The following TAF11 variants were observed in gnomAD, a reference collection of about 807,000 sequenced individuals.
TAF11 encodes the protein TATA-box binding protein associated factor 11, also known as transcription initiation factor TFIID subunit 11.
TAF11 carries 10 observed loss-of-function variants against 23.0 expected under a neutral mutation model. The observed-to-expected ratio is 0.43, with a 90% CI of 0.27 to 0.74. The LOEUF (loss-of-function observed/expected upper bound fraction) is 0.74. Among genes scored for constraint, TAF11 ranks in the 30% least tolerant of loss-of-function variants. TAF11 has a pLI of 0.19. For missense variants in TAF11, 196 were observed against 261.7 expected (o/e 0.75, Z 1.73); for synonymous variants, 85 against 95.8 (o/e 0.89, Z 0.66).
Position 34,878,476 on chromosome 6 carries a change from C to G in TAF11, c.*114G>C. On this transcript the variant is annotated 3_prime_UTR_variant, in exon 5 of 5. Transcript: ENST00000361288. ...AGAGTTTTGAGAAAGACATTAAAATCATCATGGAATCCTTGGAGGCCTGAG... is the reference window on the plus strand; with the variant it reads ...AGAGTTTTGAGAAAGACATTAAAATGATCATGGAATCCTTGGAGGCCTGAG... 1.4e-6 allele frequency: 1 copy of G among 696,948 alleles called. No individual in the cohort carries two copies. Among genetic ancestry groups the G allele is most frequent in the Non-Finnish European group, 2.6e-6 (1 of 387,240 alleles). 43.2% of individuals were successfully genotyped at this position (696,948 alleles called of 1,614,324 possible).
intron 2 of TAF11, among the ~76,000 whole-genome samples, chr6:34,882,575 T>C (rs541162404): frequency 1.3e-5 from 2 of 149,968 alleles, no homozygotes; most frequent in Admixed American, 1.3e-4. Flanking sequence ...ACTCAGGATG[T>C]GGAGGCTGCA....
intron 1 of TAF11, among the ~76,000 whole-genome samples, chr6:34,886,490 G>C (rs558002755): frequency 4.7e-4 from 71 of 149,918 alleles, no homozygotes; most frequent in African/African-American, 1.7e-3. Context: ...TTTTTTCCGA[G>C]ACGGAGTCTC....
intron 1 of TAF11, among the ~76,000 whole-genome samples, chr6:34,885,614 T>C (rs1331558122): frequency 6.6e-6 from 1 of 152,238 alleles, no homozygotes; most frequent in South Asian, 2.1e-4. Context: ...AATTTAGATA[T>C]GTAGTGAGCC....
At chr6:34,882,338 CA>C (rs796200208) in intron 2 of TAF11, among the ~76,000 whole-genome samples, 112 of 125,928 alleles carry the variant, frequency 8.9e-4, no homozygotes, top group African/African-American at 1.9e-3. Context: ...AACTCTGTCT[CA>C]AAAAAAAAAA....
Position 34,877,700 on chromosome 6 carries a change from C to T in TAF11, c.*890G>A, listed in dbSNP as rs1170967956. ...TCAAATTTTCACAAAATAGCCAAAA[C>T]CAGTTGTATTGGAACACCAAAAAAG... On this transcript the variant is annotated 3_prime_UTR_variant, in exon 5 of 5. Transcript: ENST00000361288. The T allele has an allele frequency of 1.3e-5, 2 of 152,264 alleles. No homozygotes were observed. The highest frequency in any genetic ancestry group is 1.3e-4 in the Admixed American group (2 of 15,268). 9.4% of individuals were successfully genotyped at this position (152,264 alleles called of 1,614,324 possible).
In TAF11 at chr6:34,877,907, G is replaced by C. The variant is rs1766335425; in HGVS notation, c.*683C>G. 1 of 152,164 alleles carries C rather than the reference G, an allele frequency of 6.6e-6. No individual in the cohort carries two copies. Among genetic ancestry groups the C allele is most frequent in the Non-Finnish European group, 1.5e-5 (1 of 68,024 alleles). The allele number at this position is 152,164 out of a possible 1,614,324, so 9.4% of individuals were successfully genotyped here. Reference sequence around the variant, plus strand: ...TCATGGTAGAGTATCACAAGTAAAAGTTTCTGGTTGTTTCATCTACTTAAA... The same window carrying C: ...TCATGGTAGAGTATCACAAGTAAAACTTTCTGGTTGTTTCATCTACTTAAA... On this transcript the variant is annotated 3_prime_UTR_variant, in exon 5 of 5. Coordinates refer to ENST00000361288, the MANE Select transcript of TAF11 (RefSeq NM_005643.4).
rs1266289261 is a variant in TAF11 at position 34,878,573 on chromosome 6, C to G, written c.*17G>C. 9.0e-6 allele frequency: 12 copies of G among 1,337,964 alleles called. No homozygotes were observed. In the Middle Eastern group the frequency reaches 7.2e-4, roughly 80 times the overall value. The allele number at this position is 1,337,964 out of a possible 1,614,324, so 82.9% of individuals were successfully genotyped here. On this transcript the variant is annotated 3_prime_UTR_variant, in exon 5 of 5. Transcript: ENST00000361288. ...ATACTTCTTCCGTCAGTAACATAGGCCTTTCTAGACTTTGGTCTAGAAGAA... is the reference window on the plus strand; with the variant it reads ...ATACTTCTTCCGTCAGTAACATAGGGCTTTCTAGACTTTGGTCTAGAAGAA...
rs1227580650 is a variant in TAF11 at position 34,884,860 on chromosome 6, C to A, written c.172-1780G>T. 2.6e-5 allele frequency among the ~76,000 whole-genome samples: 4 copies of A among 152,140 alleles called. No individual in the cohort carries two copies. The East Asian group carries it at 7.7e-4, about 29-fold the overall frequency. On this transcript the variant is annotated intron_variant, in intron 1 of 4. Coordinates refer to ENST00000361288, the MANE Select transcript of TAF11 (RefSeq NM_005643.4). The stretch of plus-strand genomic sequence containing the variant: ...TGGTTTGTATTTTCCTTTAAAAAAT[C>A]ACCTATTTTTCTCAGATTTTCACAT...
At chr6:34,885,869 C>A (rs1023635002) in intron 1 of TAF11, among the ~76,000 whole-genome samples, 1 of 152,158 alleles carries the variant, frequency 6.6e-6, no homozygotes, top group African/African-American at 2.4e-5. Flanking sequence ...TGCCTATAAT[C>A]CCAGCACTTT....
intron 2 of TAF11, among the ~76,000 whole-genome samples, chr6:34,881,373 A>G (rs968411677): frequency 3.9e-5 from 6 of 152,184 alleles, no homozygotes; most frequent in Non-Finnish European, 7.3e-5. Flanking sequence ...ATACCCAACT[A>G]TATACTTAGA....
Position 34,880,401 on chromosome 6 carries a change from GTTAAC to G in TAF11, c.321-30_321-26del, listed in dbSNP as rs751638488. On this transcript the variant is annotated intron_variant, in intron 2 of 4. Transcript: ENST00000361288. This position sits in a 1 kb window ranked among gnomAD's most constrained non-coding sequence, Gnocchi z 4.8. ...TCTAAACAAAGATCCAGGTAACTAA[GTTAAC>G]TTATAAGAACGAATACTCAAGATAT... is the stretch of plus-strand genomic sequence containing the variant. The G allele has an allele frequency of 2.5e-6, 4 of 1,603,798 alleles. No individual in the cohort carries two copies. Among genetic ancestry groups the G allele is most frequent in the Non-Finnish European group, 3.4e-6 (4 of 1,171,938 alleles).
chr6:34,886,318 G>A (rs907101769), intron 1 of TAF11, among the ~76,000 whole-genome samples: 2 of 151,290 alleles, frequency 1.3e-5, no homozygotes, highest in Non-Finnish European at 2.9e-5. Flanking sequence ...AAAGGAGCTT[G>A]CAGTGAGCCA....
chr6:34,880,442 A>T lies in TAF11; in HGVS notation c.321-66T>A, dbSNP rs970272541. 1.2e-5 allele frequency: 18 copies of T among 1,505,930 alleles called. No homozygotes were observed. The highest frequency in any genetic ancestry group is 1.6e-5 in the Non-Finnish European group (18 of 1,092,662). The allele number at this position is 1,505,930 out of a possible 1,614,324, so 93.3% of individuals were successfully genotyped here. ...GAATACTCAAGATATTATGAAGTCA[A>T]TAAAAGTTTCAGACAATTCAAAAAC... On this transcript the variant is annotated intron_variant, in intron 2 of 4. Coordinates refer to ENST00000361288, the MANE Select transcript of TAF11 (RefSeq NM_005643.4). This position sits in a 1 kb window ranked among gnomAD's most constrained non-coding sequence, Gnocchi z 4.8.
chr6:34,885,269 A>G (rs182813891), intron 1 of TAF11, among the ~76,000 whole-genome samples: 54 of 152,208 alleles, frequency 3.5e-4, no homozygotes, highest in Non-Finnish European at 7.2e-4. Flanking sequence ...CTTATTTGCA[A>G]TATCTTCTGG....
chr6:34,887,564 A>G (rs1260241182), intron 1 of TAF11, among the ~76,000 whole-genome samples: 1 of 152,108 alleles, frequency 6.6e-6, no homozygotes, highest in Non-Finnish European at 1.5e-5. Context: ...ATCCCTAAAG[A>G]CAAGACTAAA....
At chr6:34,883,483 G>T (rs1272490843) in intron 1 of TAF11, among the ~76,000 whole-genome samples, 1 of 152,122 alleles carries the variant, frequency 6.6e-6, no homozygotes, top group Non-Finnish European at 1.5e-5. Context: ...CTTTACTGCT[G>T]ATGATTCCAC....
chr6:34,878,603 A>G lies in TAF11; in HGVS notation c.623T>C (p.Ile208Thr), dbSNP rs139408667. 3.2e-6 allele frequency: 5 copies of G among 1,583,810 alleles called. No individual in the cohort carries two copies. The highest frequency in any genetic ancestry group is 3.5e-6 in the Non-Finnish European group (4 of 1,152,452). Residue 208 changes from isoleucine (I) to threonine (T), a missense_variant, in exon 5 of 5, where the codon ATC (isoleucine) becomes ACC (threonine). Physicochemically the swap from Ile to Thr is moderately conservative, Grantham distance 89 (BLOSUM62 -1). Transcript: ENST00000361288. ...GQIPNSKHKK[I>T]IFF ...CTAGACTTTGGTCTAGAAGAAGATGATTTTTTTGTGCTTCGAGTTAGGGAT... is the reference window on the plus strand; with the variant it reads ...CTAGACTTTGGTCTAGAAGAAGATGGTTTTTTTGTGCTTCGAGTTAGGGAT...
At chr6:34,882,787 G>T in intron 2 of TAF11, 145 bp downstream of exon 2, 1 of 1,019,342 alleles carries the variant, frequency 9.8e-7, no homozygotes. Context: ...TTACAGGCGT[G>T]AGCCACCATG....
intron 2 of TAF11, 110 bp downstream of exon 2, chr6:34,882,822 T>C (rs1296547677): frequency 5.3e-6 from 7 of 1,324,158 alleles, no homozygotes; most frequent in Non-Finnish European, 7.1e-6. Context: ...ATTAATCGTT[T>C]TATTTTCTTT....
Sources: allele counts gnomAD v4.1 joint callset (sites outside exome capture counted in the v4.1 genomes callset), GRCh38; gene constraint gnomAD v4.1.1; non-coding constraint Gnocchi (gnomAD v3.1); transcripts MANE v1.5; gene names NCBI Gene and HGNC (gene_info 2026-07-23, HGNC 2026-07-21).